GPC6: variants seen among roughly 807,000 people sequenced by gnomAD.
The protein encoded by GPC6 is glypican 6.
In GPC6, 14 loss-of-function variants were observed where a neutral mutation model predicts 55.2. The ratio of observed to expected loss-of-function variants is 0.25; its 90% CI spans 0.17 to 0.40. The LOEUF (loss-of-function observed/expected upper bound fraction) is 0.40, where lower values mean the gene tolerates loss of function less well. GPC6 is among the 10% of genes least tolerant of loss of function. The pLI is 1.00. For missense variants in GPC6, 641 were observed against 708.5 expected (o/e 0.90, Z 1.08); for synonymous variants, 278 against 259.6 (o/e 1.07, Z -0.68).
intron 2 of GPC6, among the ~76,000 whole-genome samples, chr13:93,709,292 A>G (rs1253470500): frequency 6.6e-6 from 1 of 151,792 alleles, no homozygotes; most frequent in East Asian, 1.9e-4. Context: ...AACCTTCCCA[A>G]GACTTAATAA....
chr13:93,943,411 G>A (rs549637056), intron 3 of GPC6, among the ~76,000 whole-genome samples: 4 of 152,194 alleles, frequency 2.6e-5, no homozygotes, highest in South Asian at 4.2e-4. Flanking sequence ...AGCTAGAAAT[G>A]TATATCCCTC....
chr13:93,930,180 T>C (rs921480808), intron 3 of GPC6, among the ~76,000 whole-genome samples: 1 of 152,078 alleles, frequency 6.6e-6, no homozygotes, highest in African/African-American at 2.4e-5. Context: ...GATCATTCTG[T>C]TATATAGCCA....
At chr13:93,581,546 A>G (rs1243638117) in intron 2 of GPC6, among the ~76,000 whole-genome samples, 1 of 152,166 alleles carries the variant, frequency 6.6e-6, no homozygotes, top group East Asian at 1.9e-4. Context: ...CATCTCTACA[A>G]AAATACAAAA....
At chr13:93,490,163 A>G (rs1361141263) in intron 1 of GPC6, among the ~76,000 whole-genome samples, 3 of 151,638 alleles carry the variant, frequency 2.0e-5, no homozygotes, top group Middle Eastern at 3.4e-3. Context: ...ATTTATTGAG[A>G]GTTTTTAGCA....
intron 2 of GPC6, among the ~76,000 whole-genome samples, chr13:93,712,910 A>G (rs958198398): frequency 1.3e-5 from 2 of 151,536 alleles, no homozygotes; most frequent in Admixed American, 6.6e-5. Context: ...AAAATTGCTA[A>G]TGTATTAAGC....
At chr13:94,171,272 C>T (rs554463444) in intron 4 of GPC6, among the ~76,000 whole-genome samples, 4 of 152,176 alleles carry the variant, frequency 2.6e-5, no homozygotes, top group South Asian at 2.1e-4. Flanking sequence ...TACCCTTACA[C>T]GCAAGACCAT....
At chr13:94,327,215 G>A (rs917665730) in intron 6 of GPC6, among the ~76,000 whole-genome samples, 2 of 152,152 alleles carry the variant, frequency 1.3e-5, no homozygotes, top group Non-Finnish European at 2.9e-5. Context: ...TAGCTGTAAC[G>A]GTTTTACTAG....
intron 2 of GPC6, among the ~76,000 whole-genome samples, chr13:93,603,740 A>G (rs1878121597): frequency 6.6e-6 from 1 of 152,222 alleles, no homozygotes; most frequent in South Asian, 2.1e-4. Context: ...ATTAAAACTC[A>G]GGTGCTGCCA....
intron 4 of GPC6, among the ~76,000 whole-genome samples, chr13:94,102,362 T>A (rs1445041855): frequency 6.6e-6 from 1 of 152,150 alleles, no homozygotes; most frequent in Non-Finnish European, 1.5e-5. Flanking sequence ...AATCCTCCCC[T>A]GGGTGCCTAG....
At chr13:93,887,241 G>A (rs959122954) in intron 3 of GPC6, among the ~76,000 whole-genome samples, 3 of 151,940 alleles carry the variant, frequency 2.0e-5, no homozygotes, top group Non-Finnish European at 4.4e-5. Context: ...AATGAGAAGA[G>A]GAGACTACCA....
chr13:93,900,276 A>C (rs1354918490), intron 3 of GPC6, among the ~76,000 whole-genome samples: 1 of 152,126 alleles, frequency 6.6e-6, no homozygotes, highest in African/African-American at 2.4e-5. Flanking sequence ...AGTTTGGGGC[A>C]CATAAAAAAA....
chr13:93,943,238 C>T (rs1326441570), intron 3 of GPC6, among the ~76,000 whole-genome samples: 13 of 152,012 alleles, frequency 8.6e-5, no homozygotes, highest in East Asian at 1.9e-4. Flanking sequence ...TAATATACTA[C>T]GTATACTATA....
chr13:93,929,200 C>T (rs576940284), intron 3 of GPC6, among the ~76,000 whole-genome samples: 1 of 152,324 alleles, frequency 6.6e-6, no homozygotes, highest in Non-Finnish European at 1.5e-5. Flanking sequence ...TCAGCCTCTC[C>T]AGAAGTCTGA....
At chr13:93,783,967 G>A (rs1411509) in intron 2 of GPC6, among the ~76,000 whole-genome samples, 45,693 of 152,036 alleles carry the variant, frequency 0.3, 7,006 homozygotes, top group African/African-American at 0.33. Flanking sequence ...AGATTATAAC[G>A]TCATGTAATA....
intron 1 of GPC6, among the ~76,000 whole-genome samples, chr13:93,323,399 T>A (rs910982936): frequency 6.6e-6 from 1 of 152,198 alleles, no homozygotes; most frequent in African/African-American, 2.4e-5. Flanking sequence ...TCTCATAGAA[T>A]GGTCTCTCCT....
intron 2 of GPC6, among the ~76,000 whole-genome samples, chr13:93,583,716 C>A (rs1877057935): frequency 6.6e-6 from 1 of 152,104 alleles, no homozygotes; most frequent in Non-Finnish European, 1.5e-5. Context: ...ACGCCTGGCC[C>A]CCTCTTTTTA....
intron 3 of GPC6, among the ~76,000 whole-genome samples, chr13:93,910,057 G>GTGTT (rs1445413184): frequency 1.4e-5 from 2 of 148,110 alleles, no homozygotes; most frequent in African/African-American, 5.3e-5. Flanking sequence ...TACAGCTCGT[G>GTGTT]TGTTTGTGTG....
At chr13:94,100,747 T>A (rs1231622172) in intron 4 of GPC6, among the ~76,000 whole-genome samples, 2 of 66,854 alleles carry the variant, frequency 3.0e-5, no homozygotes, top group Admixed American at 3.2e-4. Flanking sequence ...GGGTGAATTC[T>A]TTAATTCTTT....
intron 3 of GPC6, among the ~76,000 whole-genome samples, chr13:93,941,183 T>C (rs1878718786): frequency 6.6e-6 from 1 of 151,890 alleles, no homozygotes; most frequent in Non-Finnish European, 1.5e-5. Context: ...TTCTATCCAG[T>C]AATAAAAAAA....
Sources: allele counts gnomAD v4.1 joint callset (sites outside exome capture counted in the v4.1 genomes callset), GRCh38; gene constraint gnomAD v4.1.1; transcripts MANE v1.5; gene names NCBI Gene and HGNC (gene_info 2026-07-23, HGNC 2026-07-21).